The following AATF variants were observed in gnomAD, a reference collection of about 807,000 sequenced individuals.
AATF encodes the protein protein AATF.
In AATF, 48 loss-of-function variants were observed where a neutral mutation model predicts 63.7. That is an observed-to-expected ratio of 0.75 (90% confidence interval 0.60 to 0.96). The LOEUF is 0.96. Among genes scored for constraint, AATF ranks in the 40% least tolerant of loss-of-function variants. The pLI is 0.00. For missense variants in AATF, 639 were observed against 685.7 expected, an observed-to-expected ratio of 0.93 and a Z score of 0.76; for synonymous variants, 258 against 247.7, an observed-to-expected ratio of 1.04 and a Z score of -0.39.
intron 4 of AATF, among the ~76,000 whole-genome samples, chr17:36,979,693 T>C (rs1165442124): frequency 1.3e-5 from 2 of 152,198 alleles, no homozygotes; most frequent in Non-Finnish European, 2.9e-5. Flanking sequence ...ATAAGCTTTA[T>C]TTACTTTATA....
intron 10 of AATF, among the ~76,000 whole-genome samples, chr17:37,031,042 TTACAG>T (rs1227938291): frequency 6.6e-6 from 1 of 152,208 alleles, no homozygotes; most frequent in African/African-American, 2.4e-5. Context: ...GAACTGTCAT[TTACAG>T]TATACTGTTA....
chr17:36,992,338 A>C (rs1184326748), intron 8 of AATF, among the ~76,000 whole-genome samples: 2 of 152,196 alleles, frequency 1.3e-5, no homozygotes, highest in Non-Finnish European at 2.9e-5. Flanking sequence ...TCCCTGTCAG[A>C]GGTCCTGATT....
At chr17:37,041,295 T>C (rs142010241) in intron 11 of AATF, among the ~76,000 whole-genome samples, 12 of 152,324 alleles carry the variant, frequency 7.9e-5, no homozygotes, top group African/African-American at 2.6e-4. Flanking sequence ...TTAGGTTGTT[T>C]GTAGTTGCCT....
At chr17:37,015,775 T>A (rs2142282984) in intron 8 of AATF, among the ~76,000 whole-genome samples, 1 of 152,308 alleles carries the variant, frequency 6.6e-6, no homozygotes, top group East Asian at 1.9e-4. Flanking sequence ...TAGAATGGGA[T>A]GTTAGCTTTC....
At chr17:36,965,705 T>C (rs1336686727) in intron 4 of AATF, among the ~76,000 whole-genome samples, 1 of 152,094 alleles carries the variant, frequency 6.6e-6, no homozygotes, top group Admixed American at 6.6e-5. Flanking sequence ...TTTTCTTGTA[T>C]TTTTATTTTT....
At chr17:36,999,683 C>G (rs1226121181) in intron 8 of AATF, among the ~76,000 whole-genome samples, 1 of 151,824 alleles carries the variant, frequency 6.6e-6, no homozygotes, top group Non-Finnish European at 1.5e-5. Context: ...ATGGTGAAAG[C>G]AAGCCCTAGG....
chr17:36,991,666 A>G (rs2142252831), intron 8 of AATF, among the ~76,000 whole-genome samples: 1 of 151,874 alleles, frequency 6.6e-6, no homozygotes, highest in South Asian at 2.1e-4. Flanking sequence ...GCTCACTGCA[A>G]GCTCTGCCTT....
intron 4 of AATF, among the ~76,000 whole-genome samples, chr17:36,979,442 G>A (rs1003603302): frequency 1.3e-5 from 2 of 152,188 alleles, no homozygotes; most frequent in Non-Finnish European, 1.5e-5. Flanking sequence ...AGGCTTGTGT[G>A]GATTTGAATG....
In AATF at chr17:36,988,399, T is replaced by C. The variant is rs2071185621; in HGVS notation, c.948-120T>C. Reference sequence around the variant, plus strand: ...AGCCATCCTTATATCTTTGGTGTTATTTTGAATGGAGACAGAACAGGTAAG... The same window carrying C: ...AGCCATCCTTATATCTTTGGTGTTACTTTGAATGGAGACAGAACAGGTAAG... On this transcript the variant is annotated intron_variant, in intron 5 of 11. Transcript: ENST00000619387. 3 of 896,228 alleles carry C rather than the reference T, an allele frequency of 3.3e-6. No homozygotes were observed. In the Admixed American group the frequency reaches 8.3e-5, roughly 25 times the overall value. The allele number at this position is 896,228 out of a possible 1,614,324, so 55.5% of individuals were successfully genotyped here. A position where few individuals can be genotyped will look rare whatever the true frequency, so the allele number is the denominator to read the frequency against.
chr17:36,972,473 G>T (rs768935649), intron 4 of AATF, among the ~76,000 whole-genome samples: 10 of 152,154 alleles, frequency 6.6e-5, no homozygotes, highest in Non-Finnish European at 8.8e-5. Context: ...TTGTCACCCA[G>T]CATTTCCCTT....
At chr17:37,009,764 C>T (rs2071372418) in intron 8 of AATF, among the ~76,000 whole-genome samples, 1 of 139,928 alleles carries the variant, frequency 7.1e-6, no homozygotes, top group Non-Finnish European at 1.5e-5. Context: ...TTGCGGTGAG[C>T]CGAGATTGCG....
At chr17:37,025,495 C>A (rs7350914) in intron 10 of AATF, among the ~76,000 whole-genome samples, 19 of 151,896 alleles carry the variant, frequency 1.3e-4, no homozygotes, top group African/African-American at 4.3e-4. Context: ...TGGCCATTGA[C>A]GGGGGAGGGC....
At chr17:37,026,986 GA>G (rs984368114) in intron 10 of AATF, among the ~76,000 whole-genome samples, 44 of 152,264 alleles carry the variant, frequency 2.9e-4, no homozygotes, top group African/African-American at 1.0e-3. Flanking sequence ...CCTTGTTTGT[GA>G]TAGGGTTGTA....
intron 4 of AATF, among the ~76,000 whole-genome samples, chr17:36,969,502 A>G (rs907330474): frequency 6.6e-6 from 1 of 152,162 alleles, no homozygotes; most frequent in African/African-American, 2.4e-5. Flanking sequence ...CTCCTTTTCT[A>G]GAGGTGCTGG....
chr17:37,046,812 C>T (rs927657167), intron 11 of AATF, among the ~76,000 whole-genome samples: 3 of 151,794 alleles, frequency 2.0e-5, no homozygotes, highest in African/African-American at 4.8e-5. Context: ...CATCCTGATA[C>T]GGATACAAAT....
At position 37,031,266 on chromosome 17, in the gene AATF, A is replaced by T. The variant is rs2071549909; in HGVS notation, c.1548-348A>T. 1.1e-5 allele frequency: 3 copies of T among 261,656 alleles called. No individual in the cohort carries two copies. The South Asian group carries it at 2.1e-4, about 18-fold the overall frequency. 16.2% of individuals were successfully genotyped at this position (261,656 alleles called of 1,614,324 possible). The stretch of plus-strand genomic sequence containing the variant: ...TACATTGTACAACTATTTACGTAGC[A>T]TTTACATTGCATTAAGTATTTTAAG... On this transcript the variant is annotated intron_variant, in intron 10 of 11. Coordinates refer to ENST00000619387, the MANE Select transcript of AATF (RefSeq NM_012138.4).
chr17:37,039,116 C>G (rs2071616332), intron 11 of AATF, among the ~76,000 whole-genome samples: 1 of 152,184 alleles, frequency 6.6e-6, no homozygotes, highest in African/African-American at 2.4e-5. Context: ...TCCCCCCTAC[C>G]TATATTTAAT....
rs537400766 is a variant in AATF at position 36,997,514 on chromosome 17, G to C, written c.1398+6657G>C. Among the ~76,000 whole-genome samples, 8 of 152,196 alleles carry C rather than the reference G, an allele frequency of 5.3e-5. No individual in the cohort carries two copies. In the East Asian group the frequency reaches 1.5e-3, roughly 29 times the overall value. On this transcript the variant is annotated intron_variant, in intron 8 of 11. Coordinates refer to ENST00000619387, the MANE Select transcript of AATF (RefSeq NM_012138.4). ...ATGATCAGGGAAATGCAAATCGAAA[G>C]CACAATGCGATACCACCTTACTCCT...
At chr17:36,972,178 A>G (rs2071044676) in intron 4 of AATF, among the ~76,000 whole-genome samples, 1 of 152,152 alleles carries the variant, frequency 6.6e-6, no homozygotes, top group Non-Finnish European at 1.5e-5. Flanking sequence ...ACATCAACCT[A>G]TAGTGTCATT....
Sources: gnomAD v4.1 joint callset for allele counts (sites outside exome capture counted in the v4.1 genomes callset) on GRCh38, gnomAD v4.1.1 for gene constraint, MANE v1.5 for transcripts, NCBI Gene and HGNC (gene_info 2026-07-23, HGNC 2026-07-21) for gene names.